HDAC9: variants seen among roughly 807,000 people sequenced by gnomAD.
The protein encoded by HDAC9 is MEF-2 interacting transcription repressor (MITR) protein.
A neutral mutation model predicts 139.4 loss-of-function variants in HDAC9; 41 were observed. The observed-to-expected ratio is 0.29, with a 90% CI of 0.23 to 0.38. The LOEUF (loss-of-function observed/expected upper bound fraction) is 0.38. Ranked by LOEUF, HDAC9 falls within the 10% of genes least tolerant of loss-of-function variation. HDAC9 has a pLI of 1.00. For missense variants in HDAC9, 1,147 were observed against 1,297.0 expected, an observed-to-expected ratio of 0.88 and a Z score of 1.78; for synonymous variants, 517 against 476.2, an observed-to-expected ratio of 1.09 and a Z score of -1.12.
intron 1 of HDAC9, among the ~76,000 whole-genome samples, chr7:18,314,588 C>G (rs940004034): frequency 6.6e-6 from 1 of 152,074 alleles, no homozygotes; most frequent in African/African-American, 2.4e-5. Flanking sequence ...GATGCTATAA[C>G]CTTCATTGTT....
At chr7:18,964,459 A>G (rs1423960218) in intron 24 of HDAC9, among the ~76,000 whole-genome samples, 1 of 152,190 alleles carries the variant, frequency 6.6e-6, no homozygotes, top group African/African-American at 2.4e-5. Flanking sequence ...GATTAATGGC[A>G]ACCTGTAAGA....
chr7:18,092,913 A>T (rs1337110732), intron 1 of HDAC9, among the ~76,000 whole-genome samples: 2 of 152,214 alleles, frequency 1.3e-5, no homozygotes, highest in Non-Finnish European at 2.9e-5. Context: ...TAGTCCCTAA[A>T]TATATTCCAC....
At chr7:18,387,842 C>A (rs560163230) in intron 1 of HDAC9, among the ~76,000 whole-genome samples, 37 of 151,426 alleles carry the variant, frequency 2.4e-4, no homozygotes, top group African/African-American at 8.5e-4. Context: ...GTGTTTGTGA[C>A]AGTAAAGCAA....
At chr7:18,952,905 C>T (rs1429585490) in intron 23 of HDAC9, among the ~76,000 whole-genome samples, 1 of 150,506 alleles carries the variant, frequency 6.6e-6, no homozygotes, top group African/African-American at 2.4e-5. Context: ...AAGAAAAACA[C>T]TCTGGAAAGT....
At chr7:18,299,883 ACGTAT>A (rs1798419372) in intron 1 of HDAC9, among the ~76,000 whole-genome samples, 1 of 152,158 alleles carries the variant, frequency 6.6e-6, no homozygotes, top group African/African-American at 2.4e-5. Flanking sequence ...CCAGGGAGCT[ACGTAT>A]TTTAGTCAAA....
At chr7:18,431,363 G>A (rs548994723) in intron 1 of HDAC9, among the ~76,000 whole-genome samples, 3 of 152,180 alleles carry the variant, frequency 2.0e-5, no homozygotes, top group East Asian at 1.9e-4. Context: ...CAAGGGTCCC[G>A]GCCTGATGAA....
intron 1 of HDAC9, among the ~76,000 whole-genome samples, chr7:18,159,899 A>T (rs1562690334): frequency 6.6e-6 from 1 of 152,216 alleles, no homozygotes; most frequent in African/African-American, 2.4e-5. Context: ...ACTTTAAAAA[A>T]GACTTGATAT....
At chr7:18,654,868 C>T (rs1385151584) in intron 11 of HDAC9, among the ~76,000 whole-genome samples, 3 of 152,150 alleles carry the variant, frequency 2.0e-5, no homozygotes, top group African/African-American at 4.8e-5. Context: ...GTGGACCTGA[C>T]GGTGAGACAT....
intron 22 of HDAC9, among the ~76,000 whole-genome samples, chr7:18,935,361 T>G (rs767860737): frequency 5.6e-4 from 85 of 152,230 alleles, no homozygotes; most frequent in Non-Finnish European, 1.1e-3. Context: ...GTAAATATTA[T>G]ATTAGATAAT....
intron 21 of HDAC9, among the ~76,000 whole-genome samples, chr7:18,857,495 C>G (rs532539404): frequency 6.6e-6 from 1 of 151,958 alleles, no homozygotes; most frequent in East Asian, 1.9e-4. Context: ...CTCTGTTCTC[C>G]AGAATAATTA....
At chr7:18,895,696 C>T (rs1312395663) in intron 22 of HDAC9, among the ~76,000 whole-genome samples, 1 of 152,032 alleles carries the variant, frequency 6.6e-6, no homozygotes, top group African/African-American at 2.4e-5. Context: ...AAATAAAAAA[C>T]AGCAGGGCAG....
intron 15 of HDAC9, among the ~76,000 whole-genome samples, chr7:18,763,506 A>G (rs545738172): frequency 1.8e-4 from 28 of 152,208 alleles, no homozygotes; most frequent in Admixed American, 7.2e-4. Context: ...TTAACATTGT[A>G]TATTAATATG....
chr7:18,126,579 A>G (rs538670070), intron 1 of HDAC9, among the ~76,000 whole-genome samples: 1 of 152,328 alleles, frequency 6.6e-6, no homozygotes, highest in East Asian at 1.9e-4. Context: ...CTGTAAACAC[A>G]TCTATATTGG....
chr7:18,107,871 G>A (rs1303448918), intron 1 of HDAC9, among the ~76,000 whole-genome samples: 1 of 152,102 alleles, frequency 6.6e-6, no homozygotes, highest in Non-Finnish European at 1.5e-5. Context: ...TTATTTATAA[G>A]TAATTCCCCC....
intron 2 of HDAC9, among the ~76,000 whole-genome samples, chr7:18,553,582 T>A: frequency 6.6e-6 from 1 of 152,230 alleles, no homozygotes; most frequent in Non-Finnish European, 1.5e-5. Flanking sequence ...CTTCGAAAGA[T>A]TCTGCTTTAA....
At chr7:18,770,808 T>A (rs1374288874) in intron 16 of HDAC9, among the ~76,000 whole-genome samples, 1 of 152,152 alleles carries the variant, frequency 6.6e-6, no homozygotes, top group Non-Finnish European at 1.5e-5. Context: ...GCTTATGGCA[T>A]TTGTTTAGAT....
chr7:18,827,294 A>G (rs1197423281), intron 17 of HDAC9, among the ~76,000 whole-genome samples: 1 of 152,118 alleles, frequency 6.6e-6, no homozygotes, highest in Non-Finnish European at 1.5e-5. Flanking sequence ...CCCTATTATA[A>G]ATAAGACACT....
chr7:18,147,661 T>TTTTAAGC lies in HDAC9; in HGVS notation c.-96-14568_-96-14567insTTTAAGC, dbSNP rs750196616. Among the ~76,000 whole-genome samples, 703 of 152,200 alleles carry TTTTAAGC rather than the reference T, an allele frequency of 4.6e-3. 2 individuals carry two copies. Among genetic ancestry groups the TTTTAAGC allele is most frequent in the Non-Finnish European group, 7.4e-3 (503 of 67,992 alleles). On this transcript the variant is annotated intron_variant, in intron 1 of 12. Transcript: ENST00000417496. ...TTTTTTTTTTAAGCAATAAGGCATT[T>TTTTAAGC]AAAATATAGTTGAAGTGCTCTTTGT... is the stretch of plus-strand genomic sequence containing the variant.
rs367766754 is a variant in HDAC9, at chr7:18,647,822, C to T, written c.1073C>T (p.Thr358Met). Residue 358 changes from threonine to methionine, a missense_variant, in exon 10 of 26, where the codon ACG becomes ATG. Physicochemically the swap from Thr to Met is moderately conservative, Grantham distance 81 (BLOSUM62 -1). This residue lies in a region of HDAC9 where 264 missense variants were observed against 273.8 expected (regional missense o/e 0.96). Coordinates refer to ENST00000686413, the MANE Select transcript of HDAC9 (RefSeq NM_178425.4). ...NSLKEKQKCE[T>M]QTLRQGVPLP... ...CTCAAAGAAAAGCAGAAGTGTGAGA[C>T]GCAGACGCTTAGGCAAGGTGTTCCT... The T allele has an allele frequency of 8.7e-5, 140 of 1,611,630 alleles. No individual in the cohort carries two copies. Among genetic ancestry groups the T allele is most frequent in the South Asian group, 3.5e-4 (32 of 90,720 alleles).
Sources: allele counts gnomAD v4.1 joint callset (sites outside exome capture counted in the v4.1 genomes callset), GRCh38; gene constraint gnomAD v4.1.1; regional missense constraint gnomAD v4.1.1; transcripts MANE v1.5; gene names NCBI Gene and HGNC (gene_info 2026-07-23, HGNC 2026-07-21).